The following ATP6V1C2 variants were observed in gnomAD, a reference collection of about 807,000 sequenced individuals.
ATP6V1C2 encodes the protein V-type proton ATPase subunit C 2.
In ATP6V1C2, 45 loss-of-function variants were observed where a neutral mutation model predicts 56.8. That is an observed-to-expected ratio of 0.79 (90% CI 0.62 to 1.02). The LOEUF is 1.02. Ranked by LOEUF, ATP6V1C2 falls within the 50% of genes least tolerant of loss-of-function variation. The pLI, the probability that ATP6V1C2 is intolerant of heterozygous loss-of-function variation, is 0.00. For missense variants in ATP6V1C2, 463 were observed against 519.7 expected (o/e 0.89, Z 1.06); for synonymous variants, 220 against 201.3 (o/e 1.09, Z -0.79).
At chr2:10,754,287 G>A (rs1353745660) in intron 4 of ATP6V1C2, among the ~76,000 whole-genome samples, 2 of 152,162 alleles carry the variant, frequency 1.3e-5, no homozygotes, top group African/African-American at 4.8e-5. Flanking sequence ...GGAGTGTGGT[G>A]CAATCTTGGC....
At chr2:10,749,111 C>T (rs1033258550) in intron 3 of ATP6V1C2, among the ~76,000 whole-genome samples, 5 of 82,906 alleles carry the variant, frequency 6.0e-5, no homozygotes, top group African/African-American at 2.4e-4. Context: ...GCCTGGACAA[C>T]AAGAGCAAAA....
chr2:10,758,101 G>GA (rs1473110933), intron 4 of ATP6V1C2, among the ~76,000 whole-genome samples: 3 of 152,184 alleles, frequency 2.0e-5, no homozygotes, highest in Non-Finnish European at 4.4e-5. Flanking sequence ...CTGATGCTAA[G>GA]AAAAAATTAC....
intron 13 of ATP6V1C2, among the ~76,000 whole-genome samples, chr2:10,782,774 T>G (rs140595508): frequency 1.1e-4 from 14 of 132,740 alleles, no homozygotes; most frequent in African/African-American, 4.0e-4. Flanking sequence ...GAGGTTGCAG[T>G]GAGCTGAGAT....
At position 10,780,185 on chromosome 2, in the gene ATP6V1C2, C is replaced by G. The variant is rs1295326466; in HGVS notation, c.1061+1516C>G. Among the ~76,000 whole-genome samples, 2 of 152,170 alleles carry G rather than the reference C, an allele frequency of 1.3e-5. No individual in the cohort carries two copies. Among genetic ancestry groups the G allele is most frequent in the African/African-American group, 4.8e-5 (2 of 41,434 alleles). ...GGCTTTACCTGGGTATCTGTCTCAT[C>G]TCCCCTCCCGCACCCCTTCCTCTGC... On this transcript the variant is annotated intron_variant, in intron 12 of 13. Coordinates refer to ENST00000272238, the MANE Select transcript of ATP6V1C2 (RefSeq NM_001039362.2). This position sits in a 1 kb window ranked among gnomAD's most constrained non-coding sequence, Gnocchi z 4.1.
chr2:10,736,792 GA>G (rs1338100894), intron 3 of ATP6V1C2, among the ~76,000 whole-genome samples: 5 of 126,956 alleles, frequency 3.9e-5, no homozygotes, highest in Admixed American at 9.3e-5. Context: ...TTTTTTCCTA[GA>G]TATTGTGCTT....
At chr2:10,782,801 A>T (rs7574339) in intron 13 of ATP6V1C2, among the ~76,000 whole-genome samples, 90 of 131,210 alleles carry the variant, frequency 6.9e-4, no homozygotes, top group African/African-American at 2.4e-3. Context: ...ACTACACTCC[A>T]GCCTGGCGAC....
chr2:10,746,408 T>C (rs1662917687), intron 3 of ATP6V1C2, among the ~76,000 whole-genome samples: 2 of 151,612 alleles, frequency 1.3e-5, no homozygotes, highest in Admixed American at 6.6e-5. Context: ...CTTTTTTTTT[T>C]CTTCTTCTTT....
At chr2:10,735,691 A>T (rs140256185) in intron 3 of ATP6V1C2, among the ~76,000 whole-genome samples, 255 of 151,780 alleles carry the variant, frequency 1.7e-3, no homozygotes, top group African/African-American at 5.9e-3. Context: ...CCTGGGCTCA[A>T]GCCATCCTCC....
At position 10,768,809 on chromosome 2, in the gene ATP6V1C2, ATGTG is replaced by A; in HGVS notation, c.470+3_470+6del. On this transcript the variant is annotated splice_donor_variant and splice_donor_region_variant and coding_sequence_variant and intron_variant, in exon 6 of 14. Coordinates refer to ENST00000272238, the MANE Select transcript of ATP6V1C2 (RefSeq NM_001039362.2). LOFTEE classifies it high-confidence loss of function. ...CCTGGAGAACCTGGAAAAGAAATCC[ATGTG>A]TGTATTTGCCAGCCTCCACATCTGG... 1 of 1,613,496 alleles carries A rather than the reference ATGTG, an allele frequency of 6.2e-7. No individual in the cohort carries two copies.
At position 10,771,706 on chromosome 2, in the gene ATP6V1C2, C is replaced by T; in HGVS notation, c.471-133C>T. 1.1e-5 allele frequency: 8 copies of T among 724,596 alleles called. No individual in the cohort carries two copies. In the South Asian group the frequency reaches 1.1e-4, roughly 10 times the overall value. The allele number at this position is 724,596 out of a possible 1,614,324, so 44.9% of individuals were successfully genotyped here. ...TCATTGCTGAGAATTGCTGTGTTCTCCTAGGCTCCAGCATCCCTGGCACCC... is the reference window on the plus strand; with the variant it reads ...TCATTGCTGAGAATTGCTGTGTTCTTCTAGGCTCCAGCATCCCTGGCACCC... On this transcript the variant is annotated intron_variant, in intron 6 of 13. Coordinates refer to ENST00000272238, the MANE Select transcript of ATP6V1C2 (RefSeq NM_001039362.2).
At chr2:10,778,465 C>T (rs1188041995) in intron 11 of ATP6V1C2, 107 bp from the exon 12 acceptor site, 2 of 984,486 alleles carry the variant, frequency 2.0e-6, no homozygotes, top group Admixed American at 2.0e-5. Context: ...GGCTCCTGGG[C>T]ACTTCTTCTC....
chr2:10,772,222 C>G (rs1208381523), intron 7 of ATP6V1C2, among the ~76,000 whole-genome samples: 1 of 152,212 alleles, frequency 6.6e-6, no homozygotes, highest in Non-Finnish European at 1.5e-5. Flanking sequence ...CCTGGGAAGT[C>G]TGGTGATTCC....
chr2:10,735,015 G>T (rs1662174396), intron 3 of ATP6V1C2, among the ~76,000 whole-genome samples: 1 of 152,042 alleles, frequency 6.6e-6, no homozygotes. Flanking sequence ...AGCCCGAGTG[G>T]TTGAGGCTGC....
At chr2:10,757,479 T>C in intron 4 of ATP6V1C2, 1 of 398,662 alleles carries the variant, frequency 2.5e-6, no homozygotes, top group Non-Finnish European at 4.4e-6. Context: ...TTGTTTGCTG[T>C]GTCTGTGCTT....
rs117812649 is a variant in ATP6V1C2 at position 10,727,964 on chromosome 2, T to C, written c.197+1395T>C. ...CTCTTTCCTGTCCCCTAGTCCTCCA[T>C]TGCCCCTCTTTTAAGGCAATTTTCC... is the stretch of plus-strand genomic sequence containing the variant. On this transcript the variant is annotated intron_variant, in intron 3 of 13. Coordinates refer to ENST00000272238, the MANE Select transcript of ATP6V1C2 (RefSeq NM_001039362.2). 4.1e-4 allele frequency among the ~76,000 whole-genome samples: 63 copies of C among 152,336 alleles called. 1 individual carries two copies. In the East Asian group the frequency reaches 0.011, roughly 26 times the overall value.
Position 10,751,070 on chromosome 2 carries a change from G to A in ATP6V1C2, c.198-2911G>A, listed in dbSNP as rs150775180. ...AACAGAAGATGCACTTGCAAATTAT[G>A]CCAGAGATAATTTGAGGAGAGGCTC... On this transcript the variant is annotated intron_variant, in intron 3 of 13. Transcript: ENST00000272238. Among the ~76,000 whole-genome samples, 688 of 152,294 alleles carry A rather than the reference G, an allele frequency of 4.5e-3. 22 individuals carry two copies. Among genetic ancestry groups the A allele is most frequent in the Admixed American group, 0.039 (600 of 15,278 alleles).
intron 3 of ATP6V1C2, among the ~76,000 whole-genome samples, chr2:10,736,020 G>A (rs1027264639): frequency 1.3e-5 from 2 of 152,152 alleles, no homozygotes; most frequent in African/African-American, 2.4e-5. Context: ...GCATACTAAG[G>A]CTGAACACGT....
At chr2:10,725,146 G>T (rs1197807050) in intron 2 of ATP6V1C2, among the ~76,000 whole-genome samples, 5 of 151,910 alleles carry the variant, frequency 3.3e-5, no homozygotes, top group Non-Finnish European at 7.4e-5. Flanking sequence ...AGGCACGGTG[G>T]CTCACTCCCG....
At position 10,778,686 on chromosome 2, in the gene ATP6V1C2, C is replaced by A. The variant is rs932694021; in HGVS notation, c.1061+17C>A. 6.2e-7 allele frequency: 1 copy of A among 1,613,002 alleles called. No homozygotes were observed. The highest frequency in any genetic ancestry group is 8.5e-7 in the Non-Finnish European group (1 of 1,178,972). On this transcript the variant is annotated intron_variant, in intron 12 of 13. Transcript: ENST00000272238. Reference sequence around the variant, plus strand: ...CGTGCTCAGGTGCGTGGCAGTGATGCCCCGGCTGGGACTGTCCTGAGGATG... The same window carrying A: ...CGTGCTCAGGTGCGTGGCAGTGATGACCCGGCTGGGACTGTCCTGAGGATG...
Sources: gnomAD v4.1 joint callset for allele counts (sites outside exome capture counted in the v4.1 genomes callset) on GRCh38, gnomAD v4.1.1 for gene constraint, Gnocchi (gnomAD v3.1) non-coding constraint, MANE v1.5 for transcripts, NCBI Gene and HGNC (gene_info 2026-07-23, HGNC 2026-07-21) for gene names.